The following CDK8 variants were observed in gnomAD, a reference collection of about 807,000 sequenced individuals.
CDK8 encodes the protein cyclin dependent kinase 8.
Under a neutral mutation model 71.5 loss-of-function variants are expected in CDK8, and 29 were observed. The observed-to-expected ratio is 0.41, with a 90% CI of 0.30 to 0.55. CDK8 has a LOEUF of 0.55. Among genes scored for constraint, CDK8 ranks in the 20% least tolerant of loss-of-function variants. CDK8 has a pLI of 0.37. For missense variants in CDK8, 288 were observed against 572.6 expected, an observed-to-expected ratio of 0.50 and a Z score of 5.07; for synonymous variants, 161 against 192.1, an observed-to-expected ratio of 0.84 and a Z score of 1.34.
chr13:26,368,165 G>A (rs1010338372), intron 4 of CDK8, among the ~76,000 whole-genome samples: 2 of 152,068 alleles, frequency 1.3e-5, no homozygotes, highest in African/African-American at 4.8e-5. Flanking sequence ...TTACACAGTC[G>A]AATTTTTCGG....
At chr13:26,380,668 G>T (rs1307302547) in intron 4 of CDK8, among the ~76,000 whole-genome samples, 1 of 151,984 alleles carries the variant, frequency 6.6e-6, no homozygotes, top group Non-Finnish European at 1.5e-5. Context: ...TTTTGTTGAG[G>T]TGGGGTTCTA....
At chr13:26,317,181 A>C (rs1015944091) in intron 1 of CDK8, among the ~76,000 whole-genome samples, 4 of 152,304 alleles carry the variant, frequency 2.6e-5, no homozygotes, top group Admixed American at 2.0e-4. Flanking sequence ...GCATATTTGA[A>C]GAACTGATGC....
chr13:26,305,937 G>A (rs2137923117), intron 1 of CDK8, among the ~76,000 whole-genome samples: 1 of 152,032 alleles, frequency 6.6e-6, no homozygotes, highest in East Asian at 1.9e-4. Context: ...TATTGCTTGT[G>A]GGTTTTGCTA....
In CDK8 at chr13:26,271,489, G is replaced by A. The variant is rs1872317305; in HGVS notation, c.128+16720G>A. Among the ~76,000 whole-genome samples, 4 of 152,206 alleles carry A rather than the reference G, an allele frequency of 2.6e-5. No homozygotes were observed. The South Asian group carries it at 6.2e-4, about 24-fold the overall frequency. On this transcript the variant is annotated intron_variant, in intron 1 of 12. Transcript: ENST00000381527. ...CTAAACACATTTTAATATAGAAAAGGTATAGTAAAAATATGGCATAAAAGG... is the reference window on the plus strand; with the variant it reads ...CTAAACACATTTTAATATAGAAAAGATATAGTAAAAATATGGCATAAAAGG...
chr13:26,362,993 GTTT>G (rs59265120), intron 4 of CDK8, among the ~76,000 whole-genome samples: 1 of 143,224 alleles, frequency 7.0e-6, no homozygotes, highest in Admixed American at 7.0e-5. Context: ...TTTCATTGTA[GTTT>G]TTTTTTTTTT....
chr13:26,358,565 G>T (rs1873998885), intron 4 of CDK8, among the ~76,000 whole-genome samples: 1 of 152,194 alleles, frequency 6.6e-6, no homozygotes, highest in African/African-American at 2.4e-5. Context: ...TACAGCTGCT[G>T]TGGAAAACAC....
chr13:26,265,204 T>G (rs1362915252), intron 1 of CDK8, among the ~76,000 whole-genome samples: 1 of 152,216 alleles, frequency 6.6e-6, no homozygotes, highest in Non-Finnish European at 1.5e-5. Flanking sequence ...CCACCAACTA[T>G]GCTAGGTTCT....
At chr13:26,280,208 A>C (rs560244054) in intron 1 of CDK8, among the ~76,000 whole-genome samples, 1 of 152,234 alleles carries the variant, frequency 6.6e-6, no homozygotes, top group Non-Finnish European at 1.5e-5. Context: ...CTTAGGGGCT[A>C]TTTTATAAAT....
At chr13:26,257,526 C>T (rs755770333) in intron 1 of CDK8, among the ~76,000 whole-genome samples, 18 of 152,228 alleles carry the variant, frequency 1.2e-4, no homozygotes, top group Admixed American at 8.5e-4. Flanking sequence ...TTAATTTGTT[C>T]TCACTCGTGT....
chr13:26,380,978 T>A (rs1021458311), intron 4 of CDK8, among the ~76,000 whole-genome samples: 1 of 152,202 alleles, frequency 6.6e-6, no homozygotes, highest in Non-Finnish European at 1.5e-5. Flanking sequence ...TTGGAATAAT[T>A]TTCCGTGTGG....
intron 4 of CDK8, among the ~76,000 whole-genome samples, chr13:26,366,780 T>C (rs1874407921): frequency 1.3e-5 from 2 of 152,306 alleles, no homozygotes; most frequent in African/African-American, 2.4e-5. Context: ...AATAAAAACA[T>C]AGAAGTTGGG....
chr13:26,356,669 A>T (rs1873911669), intron 4 of CDK8, among the ~76,000 whole-genome samples: 1 of 152,234 alleles, frequency 6.6e-6, no homozygotes, highest in Non-Finnish European at 1.5e-5. Flanking sequence ...TTTAATGTTT[A>T]TAGTGTTTGA....
At position 26,254,823 on chromosome 13, in the gene CDK8, G is replaced by C; in HGVS notation, c.128+54G>C. 2 of 1,591,538 alleles carry C rather than the reference G, an allele frequency of 1.3e-6. No individual in the cohort carries two copies. The highest frequency in any genetic ancestry group is 1.7e-6 in the Non-Finnish European group (2 of 1,167,048). On this transcript the variant is annotated intron_variant, in intron 1 of 12. Transcript: ENST00000381527. The surrounding 1 kb of genome is among the most constrained non-coding windows in gnomAD (Gnocchi z 6.7). ...GCGCTGGGCGGCGCTCCCGCAGGCC[G>C]AGGCAGGTAGCCCGGAGGGAGAGCG...
intron 1 of CDK8, among the ~76,000 whole-genome samples, chr13:26,275,496 A>G (rs978819801): frequency 1.3e-5 from 2 of 152,352 alleles, no homozygotes; most frequent in African/African-American, 2.4e-5. Flanking sequence ...AGTGTTGTGC[A>G]CAAGTTTGTG....
chr13:26,343,929 A>C (rs949655519), intron 2 of CDK8, among the ~76,000 whole-genome samples: 2 of 151,914 alleles, frequency 1.3e-5, no homozygotes, highest in African/African-American at 4.8e-5. Context: ...CAGGGGGCAC[A>C]TGTGTAGGTT....
intron 4 of CDK8, among the ~76,000 whole-genome samples, chr13:26,376,655 C>G (rs577002422): frequency 6.6e-6 from 1 of 152,082 alleles, no homozygotes; most frequent in Non-Finnish European, 1.5e-5. Flanking sequence ...AGTAAATGAT[C>G]TTTGTGTCAG....
chr13:26,376,441 A>G (rs1245768162), intron 4 of CDK8, among the ~76,000 whole-genome samples: 1 of 152,210 alleles, frequency 6.6e-6, no homozygotes, highest in Non-Finnish European at 1.5e-5. Context: ...AATGCAATTA[A>G]TCAGATTTGA....
At position 26,401,717 on chromosome 13, in the gene CDK8, C is replaced by T. The variant is rs531205071; in HGVS notation, c.1269+93C>T. 4.3e-4 allele frequency: 536 copies of T among 1,251,802 alleles called. 1 individual carries two copies. The African/African-American group carries it at 6.4e-3, about 15-fold the overall frequency. 77.5% of individuals were successfully genotyped at this position (1,251,802 alleles called of 1,614,324 possible). ...ATGTGATTTAATTGAGAAATACTGA[C>T]GTCTGTATACCCAGGGAAATACATT... On this transcript the variant is annotated intron_variant, in intron 12 of 12. Coordinates refer to ENST00000381527, the MANE Select transcript of CDK8 (RefSeq NM_001260.3). This position sits in a 1 kb window ranked among gnomAD's most constrained non-coding sequence, Gnocchi z 4.5.
At chr13:26,384,491 T>C (rs1348516601) in intron 5 of CDK8, among the ~76,000 whole-genome samples, 1 of 152,158 alleles carries the variant, frequency 6.6e-6, no homozygotes, top group Non-Finnish European at 1.5e-5. Context: ...AAGATGATGG[T>C]ATAGCAGGAT....
Sources: gnomAD v4.1 joint callset for allele counts (sites outside exome capture counted in the v4.1 genomes callset) on GRCh38, gnomAD v4.1.1 for gene constraint, Gnocchi (gnomAD v3.1) non-coding constraint, MANE v1.5 for transcripts, NCBI Gene and HGNC (gene_info 2026-07-23, HGNC 2026-07-21) for gene names.